CEP295: variants seen among roughly 807,000 people sequenced by gnomAD.
The protein encoded by CEP295 is centrosomal protein of 295 kDa.
A neutral mutation model predicts 291.6 loss-of-function variants in CEP295; 190 were observed. That is an observed-to-expected ratio of 0.65 (90% confidence interval 0.58 to 0.73). CEP295 has a LOEUF of 0.73. Ranked by LOEUF, CEP295 falls within the 30% of genes least tolerant of loss-of-function variation. The pLI is 0.00. For synonymous variants in CEP295, 993 were observed against 1,038.8 expected (o/e 0.96, Z 0.85); for missense variants, 2,863 against 2,949.4 (o/e 0.97, Z 0.68).
chr11:93,704,060 C>T (rs1470689833), intron 17 of CEP295, among the ~76,000 whole-genome samples: 6 of 151,998 alleles, frequency 3.9e-5, no homozygotes, highest in African/African-American at 1.4e-4. Context: ...TGAGCCACTG[C>T]GCCCGGCCCC....
In CEP295 at chr11:93,704,701, A is replaced by AT. The variant is rs1247081342; in HGVS notation, c.5596+1783dup. On this transcript the variant is annotated intron_variant, in intron 17 of 29. Coordinates refer to ENST00000325212, the MANE Select transcript of CEP295 (RefSeq NM_033395.2). Reference sequence around the variant, plus strand: ...GTAAACTTATTCAGATTTCCTTCTCATGAAGTCTTGGTCTCATCATAGCCT... The same window carrying AT: ...GTAAACTTATTCAGATTTCCTTCTCATTGAAGTCTTGGTCTCATCATAGCCT... Among the ~76,000 whole-genome samples the AT allele has an allele frequency of 4.6e-5, 7 of 152,274 alleles. 1 individual carries two copies. In the South Asian group the frequency reaches 8.3e-4, roughly 18 times the overall value.
Position 93,667,682 on chromosome 11 carries a change from C to T in CEP295, c.184C>T (p.Arg62Cys), listed in dbSNP as rs776939244. ...ACAGAGGAGAAATCAACAATTTACA[C>T]GTTTGGCAGAGGAGCTAAGGGCAGA... ...IKQRRNQQFT[R>C]LAEELRAEWE... Residue 62 changes from arginine to cysteine, a missense_variant, in exon 3 of 30, where the codon CGT becomes TGT. By Grantham distance (180) the Arg-to-Cys change is radical. Transcript: ENST00000325212. The T allele has an allele frequency of 1.4e-5, 22 of 1,551,156 alleles. 2 individuals are homozygous for T. Among genetic ancestry groups the T allele is most frequent in the South Asian group, 1.2e-4 (10 of 84,034 alleles).
At chr11:93,687,108 A>G (rs1209535278) in intron 9 of CEP295, among the ~76,000 whole-genome samples, 2 of 152,182 alleles carry the variant, frequency 1.3e-5, no homozygotes, top group African/African-American at 2.4e-5. Flanking sequence ...TTTTAACTGA[A>G]GGGATCTCTG....
intron 19 of CEP295, 29 bp from the exon 20 acceptor site, chr11:93,721,925 T>G (rs923188824): frequency 6.7e-7 from 1 of 1,486,234 alleles, no homozygotes; most frequent in Non-Finnish European, 9.4e-7. Flanking sequence ...CTTGCTACAT[T>G]GTGGTATGAT....
At position 93,698,946 on chromosome 11, in the gene CEP295, A is replaced by G; in HGVS notation, c.4034A>G (p.Gln1345Arg). The part of the protein sequence containing the change: ...DRLLRISQLI[Q>R]PQQDNLKALQ... ...CTTTTGAGGATATCGCAACTTATCC[A>G]GCCTCAACAAGATAATTTGAAGGCA... Residue 1345 changes from glutamine (Q) to arginine (R), a missense_variant, in exon 15 of 30, where the codon CAG becomes CGG. By Grantham distance (43) the Gln-to-Arg change is conservative (BLOSUM62 1). Coordinates refer to ENST00000325212, the MANE Select transcript of CEP295 (RefSeq NM_033395.2). 1 of 1,551,462 alleles carries G rather than the reference A, an allele frequency of 6.4e-7. No homozygotes were observed. Among genetic ancestry groups the G allele is most frequent in the South Asian group, 1.2e-5 (1 of 84,058 alleles).
At chr11:93,718,150 G>A (rs1189274324) in intron 18 of CEP295, among the ~76,000 whole-genome samples, 1 of 152,210 alleles carries the variant, frequency 6.6e-6, no homozygotes, top group Non-Finnish European at 1.5e-5. Context: ...GGCTTGAGCA[G>A]TCCTCTCACC....
chr11:93,691,277 G>A (rs116867336), intron 10 of CEP295, among the ~76,000 whole-genome samples: 2,384 of 152,260 alleles, frequency 0.016, 24 homozygotes, highest in Non-Finnish European at 0.026. Context: ...AGAACAAATT[G>A]CTTTAACTTC....
Position 93,683,560 on chromosome 11 carries a change from A to G in CEP295, c.767A>G (p.Asn256Ser). ...QAMKKIHLAQNQEKLMKELKQ... is the reference protein window; with the variant it reads ...QAMKKIHLAQSQEKLMKELKQ... ...TGTTAATTCTCTTTATTCTTGAAGA[A>G]TCAGGAGAAACTAATGAAAGAACTC... The change falls in exon 8 of 30, where the codon AAT (asparagine) becomes AGT (serine). Residue 256 changes from asparagine to serine, a missense_variant and splice_region_variant. Asn to Ser is a conservative substitution (Grantham distance 46). Coordinates refer to ENST00000325212, the MANE Select transcript of CEP295 (RefSeq NM_033395.2). 2 of 1,502,030 alleles carry G rather than the reference A, an allele frequency of 1.3e-6. No individual in the cohort carries two copies. The highest frequency in any genetic ancestry group is 8.8e-7 in the Non-Finnish European group (1 of 1,131,128). The allele number at this position is 1,502,030 out of a possible 1,614,324, so 93.0% of individuals were successfully genotyped here.
intron 5 of CEP295, among the ~76,000 whole-genome samples, chr11:93,670,564 A>G (rs961937588): frequency 1.3e-5 from 2 of 152,206 alleles, no homozygotes; most frequent in Non-Finnish European, 2.9e-5. Flanking sequence ...ACATACAAGT[A>G]TATTCTGTAT....
At chr11:93,691,427 G>A (rs1450667757) in intron 10 of CEP295, among the ~76,000 whole-genome samples, 3 of 152,030 alleles carry the variant, frequency 2.0e-5, no homozygotes, top group African/African-American at 2.4e-5. Context: ...TTTCTCCTAT[G>A]TTTGAAATCC....
chr11:93,699,801 G>C lies in CEP295; in HGVS notation c.4889G>C (p.Arg1630Thr), dbSNP rs566532495. The change falls in exon 15 of 30, where the codon AGA (arginine) becomes ACA (threonine). Residue 1630 changes from arginine (R) to threonine (T), a missense_variant. Coordinates refer to ENST00000325212, the MANE Select transcript of CEP295 (RefSeq NM_033395.2). The part of the protein sequence containing the change: ...PQEELSLNKQ[R>T]KLNKSESAEH... ...GAAGAACTGTCTTTAAACAAACAAAGAAAGTTGAACAAAAGTGAATCTGCT... is the reference window on the plus strand; with the variant it reads ...GAAGAACTGTCTTTAAACAAACAAACAAAGTTGAACAAAAGTGAATCTGCT... The C allele has an allele frequency of 7.4e-5, 115 of 1,552,138 alleles. No individual in the cohort carries two copies. Among genetic ancestry groups the C allele is most frequent in the South Asian group, 6.2e-4 (52 of 84,036 alleles).
chr11:93,699,717 A>G lies in CEP295; in HGVS notation c.4805A>G (p.Asn1602Ser). 6.4e-7 allele frequency: 1 copy of G among 1,551,774 alleles called. No homozygotes were observed. The highest frequency in any genetic ancestry group is 8.7e-7 in the Non-Finnish European group (1 of 1,147,036). The change falls in exon 15 of 30, where the codon AAT (asparagine) becomes AGT (serine). Residue 1602 changes from asparagine (N) to serine (S), a missense_variant. Asn to Ser is a conservative substitution (Grantham distance 46, BLOSUM62 1). Around this residue, in one of 3 missense-constraint regions of CEP295, gnomAD observed 2,295 missense variants for 2,335.7 expected, o/e 0.98. Transcript: ENST00000325212. ...LSKPILPQQD[N>S]MTAQLDAQRE... Reference sequence around the variant, plus strand: ...AAGCCTATTCTGCCTCAGCAAGATAATATGACAGCACAATTGGATGCACAA... The same window carrying G: ...AAGCCTATTCTGCCTCAGCAAGATAGTATGACAGCACAATTGGATGCACAA...
Position 93,683,575 on chromosome 11 carries a change from T to A in CEP295, c.782T>A (p.Met261Lys). Reference sequence around the variant, plus strand: ...TTCTTGAAGAATCAGGAGAAACTAATGAAAGAACTCAAACAGCTACAGCAA... The same window carrying A: ...TTCTTGAAGAATCAGGAGAAACTAAAGAAAGAACTCAAACAGCTACAGCAA... ...IHLAQNQEKL[M>K]KELKQLQQED... Residue 261 changes from methionine (M) to lysine (K), a missense_variant, in exon 8 of 30, where the codon ATG becomes AAG. Around this residue, in one of 3 missense-constraint regions of CEP295, gnomAD observed 554 missense variants for 576.0 expected, o/e 0.96. Coordinates refer to ENST00000325212, the MANE Select transcript of CEP295 (RefSeq NM_033395.2). 2 of 1,508,638 alleles carry A rather than the reference T, an allele frequency of 1.3e-6. No individual in the cohort carries two copies. The highest frequency in any genetic ancestry group is 2.6e-5 in the South Asian group (2 of 76,096). 93.5% of individuals were successfully genotyped at this position (1,508,638 alleles called of 1,614,324 possible). A position where few individuals can be genotyped will look rare whatever the true frequency, so the allele number is the denominator to read the frequency against.
Position 93,697,981 on chromosome 11 carries a change from T to C in CEP295, c.3069T>C (p.Ser1023=). ...KSGKIQEQHS[S]KSEKGLVSCQ... ...GAAAAATACAGGAGCAACATTCATC[T>C]AAGAGCGAGAAAGGACTTGTTTCAT... Residue 1023 remains serine (S), a synonymous_variant, in exon 15 of 30, where the codon TCT becomes TCC. Coordinates refer to ENST00000325212, the MANE Select transcript of CEP295 (RefSeq NM_033395.2). 6.4e-7 allele frequency: 1 copy of C among 1,551,712 alleles called. No individual in the cohort carries two copies. Among genetic ancestry groups the C allele is most frequent in the Non-Finnish European group, 8.7e-7 (1 of 1,146,982 alleles).
Position 93,727,503 on chromosome 11 carries a change from CAAAATG to C in CEP295, c.7032_7037del (p.Asn2344_Glu2345del). ...TCAGGCACCATATTCCTTAACTACT[CAAAATG>C]AAAAATATTTTGAGAATTCAGCTGA... On this transcript the variant is annotated inframe_deletion, in exon 24 of 30. Coordinates refer to ENST00000325212, the MANE Select transcript of CEP295 (RefSeq NM_033395.2). The C allele has an allele frequency of 6.4e-7, 1 of 1,551,736 alleles. No homozygotes were observed. Among genetic ancestry groups the C allele is most frequent in the Non-Finnish European group, 8.7e-7 (1 of 1,146,972 alleles).
intron 12 of CEP295, among the ~76,000 whole-genome samples, chr11:93,692,231 A>G (rs1257917672): frequency 5.3e-5 from 8 of 152,108 alleles, no homozygotes; most frequent in Admixed American, 5.2e-4. Context: ...TGTCTGCTTT[A>G]TATTTTATAT....
chr11:93,705,086 G>A (rs1952430106), intron 17 of CEP295, among the ~76,000 whole-genome samples: 1 of 152,066 alleles, frequency 6.6e-6, no homozygotes. Flanking sequence ...TTTTTAGAGT[G>A]TCTGTCTTTC....
intron 18 of CEP295, among the ~76,000 whole-genome samples, chr11:93,714,496 G>T (rs1354759673): frequency 6.6e-6 from 1 of 152,182 alleles, no homozygotes; most frequent in Non-Finnish European, 1.5e-5. Context: ...TGTTCCACCC[G>T]CCTCGGCCTC....
chr11:93,685,773 C>T (rs1013513981), intron 9 of CEP295, among the ~76,000 whole-genome samples: 3 of 152,048 alleles, frequency 2.0e-5, no homozygotes, highest in East Asian at 3.9e-4. Context: ...TGCAGTGGCA[C>T]GATCTTGGCT....
Sources: gnomAD v4.1 joint callset for allele counts (sites outside exome capture counted in the v4.1 genomes callset) on GRCh38, gnomAD v4.1.1 for gene constraint, gnomAD v4.1.1 regional missense constraint, MANE v1.5 for transcripts, NCBI Gene and HGNC (gene_info 2026-07-23, HGNC 2026-07-21) for gene names.